Variants in ANKHD1 observed in about 807,000 individuals in gnomAD.
ANKHD1 encodes the protein ankyrin repeat and KH domain-containing protein 1.
In ANKHD1, 31 loss-of-function variants were observed where a neutral mutation model predicts 230.5. The ratio of observed to expected loss-of-function variants is 0.13; its 90% CI spans 0.10 to 0.18. The LOEUF (loss-of-function observed/expected upper bound fraction) is 0.18, where lower values mean the gene tolerates loss of function less well. Among genes scored for constraint, ANKHD1 ranks in the 10% least tolerant of loss-of-function variants. The probability of loss-of-function intolerance (pLI) is 1.00; values close to 1 mark genes in which losing one functional copy is unlikely to be tolerated. For synonymous variants in ANKHD1, 1,074 were observed against 1,117.6 expected (o/e 0.96, Z 0.78); for missense variants, 2,256 against 3,071.3 (o/e 0.73, Z 6.27).
At chr5:140,526,668 T>C (rs1221226473) in intron 26 of ANKHD1, among the ~76,000 whole-genome samples, 1 of 142,768 alleles carries the variant, frequency 7.0e-6, no homozygotes, top group Non-Finnish European at 1.5e-5. Context: ...TAGTCTGAAG[T>C]TGAAAATATT....
At chr5:140,483,254 A>C (rs1210561492) in intron 11 of ANKHD1, among the ~76,000 whole-genome samples, 1 of 152,168 alleles carries the variant, frequency 6.6e-6, no homozygotes, top group Non-Finnish European at 1.5e-5. Context: ...TAATGTCAGC[A>C]GTTTCATTTG....
chr5:140,486,071 GT>G (rs960695753), intron 13 of ANKHD1: 1,126 of 212,786 alleles, frequency 5.3e-3, no homozygotes, highest in South Asian at 0.013. Context: ...TTTTTCTTTT[GT>G]TTTTTTTTTT....
At chr5:140,484,647 A>G (rs915183032) in intron 11 of ANKHD1, 4 of 152,492 alleles carry the variant, frequency 2.6e-5, no homozygotes, top group Admixed American at 2.0e-4. Flanking sequence ...TGATGCTTAC[A>G]TTAACCTGTA....
At chr5:140,412,927 C>G (rs1390226939) in intron 1 of ANKHD1, among the ~76,000 whole-genome samples, 1 of 152,168 alleles carries the variant, frequency 6.6e-6, no homozygotes, top group Non-Finnish European at 1.5e-5. Context: ...TGCTCTTCCT[C>G]TGCTACATAG....
At chr5:140,505,972 G>T (rs1336007785) in intron 18 of ANKHD1, 103 bp downstream of exon 18, 6 of 1,495,700 alleles carry the variant, frequency 4.0e-6, no homozygotes, top group African/African-American at 1.4e-5. Context: ...CATGTATTTT[G>T]TGTGTTTGTT....
chr5:140,470,093 A>G (rs1261304326), intron 10 of ANKHD1, among the ~76,000 whole-genome samples: 1 of 152,038 alleles, frequency 6.6e-6, no homozygotes, highest in East Asian at 1.9e-4. Flanking sequence ...TTTTAAACCC[A>G]CTATATTAGT....
chr5:140,536,856 C>G (rs1172094081), intron 30 of ANKHD1, among the ~76,000 whole-genome samples: 1 of 152,046 alleles, frequency 6.6e-6, no homozygotes, highest in Non-Finnish European at 1.5e-5. Context: ...AAACCCGTCT[C>G]TACTAAAAAT....
At chr5:140,435,001 G>C (rs1432317074) in intron 1 of ANKHD1, among the ~76,000 whole-genome samples, 1 of 152,030 alleles carries the variant, frequency 6.6e-6, no homozygotes, top group South Asian at 2.1e-4. Context: ...AAATTGGAGG[G>C]TTACATGTTT....
At chr5:140,509,506 A>T in intron 20 of ANKHD1, 131 bp from the exon 21 acceptor site, 1 of 1,093,858 alleles carries the variant, frequency 9.1e-7, no homozygotes, top group African/African-American at 1.6e-5. Context: ...TATGAGAGCT[A>T]ATCAGAACTA....
intron 6 of ANKHD1, among the ~76,000 whole-genome samples, chr5:140,446,786 CATAT>C (rs1204767148): frequency 6.6e-6 from 1 of 152,054 alleles, no homozygotes; most frequent in Non-Finnish European, 1.5e-5. Flanking sequence ...TATATACAAA[CATAT>C]ATATATTTTA....
At chr5:140,432,083 A>C (rs1429689580) in intron 1 of ANKHD1, among the ~76,000 whole-genome samples, 5 of 152,208 alleles carry the variant, frequency 3.3e-5, no homozygotes, top group Non-Finnish European at 7.4e-5. Context: ...ATATCTTTTA[A>C]AAATTGAGAT....
At chr5:140,476,736 G>C (rs1750988796) in intron 10 of ANKHD1, among the ~76,000 whole-genome samples, 1 of 152,116 alleles carries the variant, frequency 6.6e-6, no homozygotes, top group African/African-American at 2.4e-5. Flanking sequence ...CTGGAGGAAG[G>C]CGTGGGATAC....
chr5:140,418,708 A>T (rs776416671), intron 1 of ANKHD1, among the ~76,000 whole-genome samples: 28 of 152,210 alleles, frequency 1.8e-4, no homozygotes, highest in Non-Finnish European at 4.0e-4. Context: ...AAAGATTTCT[A>T]CAATATTGTA....
chr5:140,406,427 AGAG>A (rs1051022404), intron 1 of ANKHD1, among the ~76,000 whole-genome samples: 27 of 152,238 alleles, frequency 1.8e-4, no homozygotes, highest in Middle Eastern at 6.8e-3. Context: ...TTTTGTGTAC[AGAG>A]GAGTAGACCC....
intron 9 of ANKHD1, among the ~76,000 whole-genome samples, chr5:140,462,491 G>A (rs770214977): frequency 6.6e-6 from 1 of 151,904 alleles, no homozygotes; most frequent in African/African-American, 2.4e-5. Context: ...TTGGGATGCC[G>A]AGGTGGGCGG....
At chr5:140,413,954 T>C (rs1008136661) in intron 1 of ANKHD1, among the ~76,000 whole-genome samples, 1 of 152,104 alleles carries the variant, frequency 6.6e-6, no homozygotes, top group Admixed American at 6.6e-5. Context: ...CTAATTTTTG[T>C]ATTTTTAGTG....
At chr5:140,448,507 G>A (rs1774459437) in intron 6 of ANKHD1, among the ~76,000 whole-genome samples, 1 of 152,118 alleles carries the variant, frequency 6.6e-6, no homozygotes, top group Admixed American at 6.6e-5. Context: ...CACCAACAAT[G>A]TTTGAGAGTG....
intron 15 of ANKHD1, among the ~76,000 whole-genome samples, chr5:140,500,443 A>T (rs559077632): frequency 1.3e-5 from 2 of 152,012 alleles, no homozygotes; most frequent in African/African-American, 4.8e-5. Flanking sequence ...TGAAATCAGG[A>T]GTTCAAGACC....
At chr5:140,471,285 A>G (rs1776480141) in intron 10 of ANKHD1, among the ~76,000 whole-genome samples, 1 of 152,038 alleles carries the variant, frequency 6.6e-6, no homozygotes, top group African/African-American at 2.4e-5. Flanking sequence ...GTTCTCTTCA[A>G]TTTATTTGAA....
Sources: gnomAD v4.1 joint callset for allele counts (sites outside exome capture counted in the v4.1 genomes callset) on GRCh38, gnomAD v4.1.1 for gene constraint, MANE v1.5 for transcripts, NCBI Gene and HGNC (gene_info 2026-07-23, HGNC 2026-07-21) for gene names.